TXLNB: variants seen among roughly 807,000 people sequenced by gnomAD.
TXLNB encodes the protein beta-taxilin.
Under a neutral mutation model 57.4 loss-of-function variants are expected in TXLNB, and 37 were observed. The ratio of observed to expected loss-of-function variants is 0.64; its 90% confidence interval spans 0.50 to 0.85. The LOEUF (loss-of-function observed/expected upper bound fraction) is 0.85. Among genes scored for constraint, TXLNB ranks in the 40% least tolerant of loss-of-function variants. The pLI is 0.00. For missense variants in TXLNB, 848 were observed against 825.6 expected (o/e 1.03, Z -0.33); for synonymous variants, 302 against 309.6 (o/e 0.98, Z 0.26).
chr6:139,185,618 G>A, the TXLNB span, among the ~76,000 whole-genome samples: 3 of 152,088 alleles, frequency 2.0e-5, no homozygotes, highest in South Asian at 4.1e-4. Context: ...GGAGAATGGC[G>A]TGAACCCGGG....
intron 2 of TXLNB, among the ~76,000 whole-genome samples, chr6:139,277,667 G>A (rs1776934562): frequency 6.6e-6 from 1 of 151,974 alleles, no homozygotes; most frequent in Non-Finnish European, 1.5e-5. Context: ...CCCCCACCTA[G>A]GCCTTAATAT....
intron 3 of TXLNB, chr6:139,271,537 A>T (rs1228563186): frequency 6.6e-6 from 1 of 152,212 alleles, no homozygotes; most frequent in East Asian, 1.9e-4. Flanking sequence ...ATAAATAAGA[A>T]ATAATTTTTA....
chr6:139,244,199 G>T (rs1173928110), intron 9 of TXLNB, among the ~76,000 whole-genome samples: 1 of 152,168 alleles, frequency 6.6e-6, no homozygotes, highest in Non-Finnish European at 1.5e-5. Flanking sequence ...TCTTGGGCTG[G>T]TGTCTTCTCG....
intron 2 of TXLNB, among the ~76,000 whole-genome samples, chr6:139,277,535 G>A (rs1011031576): frequency 2.6e-5 from 4 of 152,106 alleles, no homozygotes; most frequent in African/African-American, 7.2e-5. Flanking sequence ...CTCTGATCCT[G>A]TTTCCTACCA....
chr6:139,292,351 C>T (rs73560785), upstream of TXLNB, among the ~76,000 whole-genome samples: 6,744 of 152,210 alleles, frequency 0.044, 490 homozygotes, highest in African/African-American at 0.15. This position sits in a 1 kb window ranked among gnomAD's most constrained non-coding sequence, Gnocchi z 4.0. Context: ...CATTGTTGTC[C>T]TTTTTGGGTA....
chr6:139,220,849 G>A, the TXLNB span, among the ~76,000 whole-genome samples: 4 of 152,096 alleles, frequency 2.6e-5, no homozygotes, highest in South Asian at 2.1e-4. Context: ...CAGAGGAGCC[G>A]AAATCATAGA....
the TXLNB span, among the ~76,000 whole-genome samples, chr6:139,210,793 C>T: frequency 6.6e-6 from 1 of 152,238 alleles, no homozygotes; most frequent in Non-Finnish European, 1.5e-5. Flanking sequence ...TAATACTGCG[C>T]TCTTCCAATG....
intron 8 of TXLNB, among the ~76,000 whole-genome samples, 199 bp downstream of exon 8, chr6:139,247,618 T>G (rs149106644): frequency 6.6e-6 from 1 of 150,988 alleles, no homozygotes; most frequent in African/African-American, 2.4e-5. Flanking sequence ...AACCTAGAAT[T>G]TTTGGACTCC....
intron 9 of TXLNB, among the ~76,000 whole-genome samples, chr6:139,244,050 A>G (rs1413459397): frequency 6.6e-6 from 1 of 152,110 alleles, no homozygotes; most frequent in African/African-American, 2.4e-5. Context: ...CTCTCAGGTC[A>G]GGGGCCATGT....
At chr6:139,207,190 T>C in the TXLNB span, among the ~76,000 whole-genome samples, 1 of 152,154 alleles carries the variant, frequency 6.6e-6, no homozygotes, top group Non-Finnish European at 1.5e-5. Context: ...ATTATTCTCA[T>C]CAGCATGTGG....
At chr6:139,295,857 G>A (rs752950237), upstream of TXLNB, among the ~76,000 whole-genome samples, 1 of 152,088 alleles carries the variant, frequency 6.6e-6, no homozygotes, top group Non-Finnish European at 1.5e-5. Flanking sequence ...GTTTTTCCTG[G>A]AGTTGATAAT....
At chr6:139,177,050 T>C in the TXLNB span, 1 of 869,080 alleles carries the variant, frequency 1.2e-6, no homozygotes, top group Non-Finnish European at 2.0e-6. The surrounding 1 kb of genome is among the most constrained non-coding windows in gnomAD (Gnocchi z 4.9). Context: ...TGTGGGAACC[T>C]GGACTACCAC....
chr6:139,261,130 A>G (rs1776470280), intron 5 of TXLNB, among the ~76,000 whole-genome samples: 1 of 152,160 alleles, frequency 6.6e-6, no homozygotes, highest in Non-Finnish European at 1.5e-5. Flanking sequence ...ATTCCTGGTC[A>G]CTGGGAGGTC....
the TXLNB span, among the ~76,000 whole-genome samples, chr6:139,171,784 A>C: frequency 6.8e-6 from 1 of 146,344 alleles, no homozygotes; most frequent in Non-Finnish European, 1.5e-5. Flanking sequence ...AAGCCACCAC[A>C]CTCGGCTTAT....
At chr6:139,298,938 C>T in the TXLNB span, among the ~76,000 whole-genome samples, 1 of 152,160 alleles carries the variant, frequency 6.6e-6, no homozygotes, top group Non-Finnish European at 1.5e-5. Flanking sequence ...CTTCTTCCTC[C>T]CTCTTGCCAT....
At chr6:139,273,815 A>C (rs1776827845) in intron 3 of TXLNB, among the ~76,000 whole-genome samples, 1 of 152,236 alleles carries the variant, frequency 6.6e-6, no homozygotes, top group African/African-American at 2.4e-5. Context: ...TATATTTAAA[A>C]AAATTTAAAT....
At chr6:139,235,865 C>T (rs1015609387), downstream of TXLNB, among the ~76,000 whole-genome samples, 7 of 152,140 alleles carry the variant, frequency 4.6e-5, no homozygotes, top group Admixed American at 2.0e-4. Flanking sequence ...AACACATCAG[C>T]GGAAGAACGC....
At chr6:139,308,006 A>G in the TXLNB span, among the ~76,000 whole-genome samples, 1 of 57,088 alleles carries the variant, frequency 1.8e-5, no homozygotes, top group Non-Finnish European at 4.2e-5. Flanking sequence ...GAGATTTCAG[A>G]ACCCAGGAAT....
intron 1 of TXLNB, 64 bp from the exon 2 acceptor site, chr6:139,288,977 T>C (rs1734487588): frequency 1.6e-6 from 2 of 1,223,446 alleles, no homozygotes; most frequent in Non-Finnish European, 2.3e-6. Flanking sequence ...ATGCTACATT[T>C]CAATGGTAAG....
Sources: allele counts gnomAD v4.1 joint callset (sites outside exome capture counted in the v4.1 genomes callset), GRCh38; gene constraint gnomAD v4.1.1; non-coding constraint Gnocchi (gnomAD v3.1); transcripts MANE v1.5; gene names NCBI Gene and HGNC (gene_info 2026-07-23, HGNC 2026-07-21).